ZNF365: variants seen among roughly 807,000 people sequenced by gnomAD.
ZNF365 encodes the protein protein ZNF365.
A neutral mutation model predicts 35.0 loss-of-function variants in ZNF365; 22 were observed. The observed-to-expected ratio is 0.63, with a 90% CI of 0.45 to 0.90. The LOEUF (loss-of-function observed/expected upper bound fraction) is 0.90. Among genes scored for constraint, ZNF365 ranks in the 40% least tolerant of loss-of-function variants. The pLI, the probability that ZNF365 is intolerant of heterozygous loss-of-function variation, is 0.00. For synonymous variants in ZNF365, 188 were observed against 196.2 expected, an observed-to-expected ratio of 0.96 and a Z score of 0.35; for missense variants, 448 against 500.3, an observed-to-expected ratio of 0.90 and a Z score of 1.00.
At chr10:62,452,221 A>C (rs1395880699) in intron 3 of ZNF365, among the ~76,000 whole-genome samples, 3 of 152,144 alleles carry the variant, frequency 2.0e-5, no homozygotes, top group African/African-American at 7.2e-5. Context: ...TGAAGATGGA[A>C]ATACTATTAT....
intron 3 of ZNF365, among the ~76,000 whole-genome samples, chr10:62,434,947 C>T (rs1840384705): frequency 6.6e-6 from 1 of 152,174 alleles, no homozygotes; most frequent in Admixed American, 6.6e-5. Context: ...ATGCATCAGA[C>T]ACTGTTTCAG....
chr10:62,443,738 G>T (rs1215268912), intron 3 of ZNF365, among the ~76,000 whole-genome samples: 1 of 152,134 alleles, frequency 6.6e-6, no homozygotes, highest in Non-Finnish European at 1.5e-5. Context: ...TCTGTGCTCA[G>T]AACCCCCACA....
chr10:62,433,000 C>T (rs1840356448), intron 3 of ZNF365, among the ~76,000 whole-genome samples: 1 of 152,060 alleles, frequency 6.6e-6, no homozygotes, highest in African/African-American at 2.4e-5. Flanking sequence ...AGGATTTGTC[C>T]ACAGCAAAAC....
At chr10:62,465,521 T>C (rs1189955357) in intron 4 of ZNF365, among the ~76,000 whole-genome samples, 1 of 152,134 alleles carries the variant, frequency 6.6e-6, no homozygotes, top group African/African-American at 2.4e-5. Flanking sequence ...GAGTGAGAAC[T>C]CATGGTGTTT....
intron 4 of ZNF365, among the ~76,000 whole-genome samples, chr10:62,473,486 TTTGGGGGCCAGACTTCC>T (rs1224643871): frequency 6.6e-6 from 1 of 152,162 alleles, no homozygotes; most frequent in Non-Finnish European, 1.5e-5. Flanking sequence ...TGAGTTTCGA[TTTGGGGGCCAGACTTCC>T]TGTGTTTGTA....
intron 2 of ZNF365, among the ~76,000 whole-genome samples, chr10:62,385,070 A>G (rs1211359039): frequency 6.6e-6 from 1 of 152,208 alleles, no homozygotes; most frequent in Non-Finnish European, 1.5e-5. Flanking sequence ...AAGATACCCT[A>G]CACAATCTCA....
rs149145918 is a variant in ZNF365 at position 62,397,692 on chromosome 10, G to A, written c.925-1048G>A. On this transcript the variant is annotated intron_variant, in intron 3 of 4. Coordinates refer to ENST00000395254, the MANE Select transcript of ZNF365 (RefSeq NM_014951.3). ...GGAGTGGGAAATCATCTCAATGATA[G>A]ACAGCCTCAGGGACATTTGTGGGGT... Among the ~76,000 whole-genome samples, 1,302 of 152,304 alleles carry A rather than the reference G, an allele frequency of 8.5e-3. 9 individuals are homozygous for A. The highest frequency in any genetic ancestry group is 0.014 in the Middle Eastern group (4 of 288).
intron 3 of ZNF365, among the ~76,000 whole-genome samples, chr10:62,455,575 ATAT>A (rs1840749065): frequency 1.3e-5 from 2 of 151,796 alleles, no homozygotes; most frequent in Non-Finnish European, 2.9e-5. Flanking sequence ...TAAAAATTAA[ATAT>A]TATATTTATA....
intron 3 of ZNF365, among the ~76,000 whole-genome samples, chr10:62,418,769 G>A (rs138075746): frequency 6.2e-4 from 94 of 152,060 alleles, no homozygotes; most frequent in Admixed American, 1.8e-3. Flanking sequence ...AGTATAAAAG[G>A]GGCATCTTCC....
chr10:62,426,016 G>A (rs2132451767), intron 3 of ZNF365, among the ~76,000 whole-genome samples: 1 of 152,226 alleles, frequency 6.6e-6, no homozygotes, highest in African/African-American at 2.4e-5. Flanking sequence ...TGACAAACTT[G>A]TCAATAATCA....
intron 3 of ZNF365, among the ~76,000 whole-genome samples, chr10:62,449,466 A>G (rs1355621953): frequency 6.6e-6 from 1 of 152,140 alleles, no homozygotes; most frequent in Non-Finnish European, 1.5e-5. Context: ...TGTATTTTAT[A>G]TTTTACAATA....
intron 4 of ZNF365, among the ~76,000 whole-genome samples, chr10:62,463,825 T>G (rs575382989): frequency 1.3e-5 from 2 of 152,196 alleles, no homozygotes; most frequent in African/African-American, 4.8e-5. Context: ...GGATTTCTAG[T>G]AGAAGGACTT....
In ZNF365 at chr10:62,454,938, C is replaced by T. The variant is rs550035643; in HGVS notation, c.925-4803C>T. Among the ~76,000 whole-genome samples the T allele has an allele frequency of 2.0e-5, 3 of 152,264 alleles. No homozygotes were observed. The South Asian group carries it at 6.2e-4, about 32-fold the overall frequency. ...TTGGAGATTAGTGCAAAGTTAGGCA[C>T]ATCTTGTGGGATAAATGGGACTTCC... On this transcript the variant is annotated intron_variant, in intron 3 of 4. Coordinates refer to the ZNF365 transcript ENST00000395255.
chr10:62,431,795 C>T (rs182156579), intron 3 of ZNF365, among the ~76,000 whole-genome samples: 9 of 152,038 alleles, frequency 5.9e-5, no homozygotes, highest in African/African-American at 1.4e-4. Context: ...GATAAGTTCT[C>T]CAGTCTGCCA....
intron 3 of ZNF365, among the ~76,000 whole-genome samples, chr10:62,422,280 A>C (rs1387552150): frequency 1.3e-5 from 2 of 152,208 alleles, no homozygotes; most frequent in African/African-American, 2.4e-5. Flanking sequence ...GAAATGTGAT[A>C]TCTCATAAGA....
At position 62,376,869 on chromosome 10, in the gene ZNF365, G is replaced by A. The variant is rs758463434; in HGVS notation, c.676G>A (p.Val226Met). The change falls in exon 2 of 5, where the codon GTG becomes ATG. Residue 226 changes from valine (V) to methionine (M), a missense_variant. Transcript: ENST00000395254. ...CTTAAACAGACAGGTGGACGTGGCC[G>A]TGGAAATGATAGCTGTACTGAGGCA... Reference protein sequence around the residue: ...RALNRQVDVAVEMIAVLRQRL... With the variant: ...RALNRQVDVAMEMIAVLRQRL... 2.1e-5 allele frequency: 34 copies of A among 1,614,028 alleles called. No individual in the cohort carries two copies. Among genetic ancestry groups the A allele is most frequent in the Non-Finnish European group, 2.7e-5 (32 of 1,180,048 alleles).
intron 2 of ZNF365, among the ~76,000 whole-genome samples, chr10:62,387,169 A>G (rs562590846): frequency 3.3e-5 from 5 of 152,348 alleles, no homozygotes; most frequent in Admixed American, 3.3e-4. Context: ...ACAATAGGGT[A>G]GAGAGAACTC....
intron 4 of ZNF365, among the ~76,000 whole-genome samples, chr10:62,470,731 G>T (rs1841019836): frequency 6.6e-6 from 1 of 152,116 alleles, no homozygotes. Context: ...GATCAGTGTT[G>T]CAGTCAAACT....
At chr10:62,416,435 C>A (rs1218720440) in intron 3 of ZNF365, among the ~76,000 whole-genome samples, 1 of 152,036 alleles carries the variant, frequency 6.6e-6, no homozygotes, top group African/African-American at 2.4e-5. Flanking sequence ...CCATGTTTTC[C>A]TAATACTGAA....
Sources: allele counts gnomAD v4.1 joint callset (sites outside exome capture counted in the v4.1 genomes callset), GRCh38; gene constraint gnomAD v4.1.1; transcripts MANE v1.5; gene names NCBI Gene and HGNC (gene_info 2026-07-23, HGNC 2026-07-21).